The following CNTN6 variants were observed in gnomAD, a reference collection of about 807,000 sequenced individuals.
CNTN6 encodes contactin-6.
In CNTN6, 137 loss-of-function variants were observed where a neutral mutation model predicts 122.8. The ratio of observed to expected loss-of-function variants is 1.12; its 90% CI spans 0.97 to 1.29. CNTN6 has a LOEUF of 1.29. Ranked by LOEUF, CNTN6 falls within the 50% of genes most tolerant of loss-of-function variation. The pLI, the probability that CNTN6 is intolerant of heterozygous loss-of-function variation, is 0.00. For synonymous variants in CNTN6, 570 were observed against 426.0 expected (o/e 1.34, Z -4.16); for missense variants, 1,634 against 1,223.4 (o/e 1.34, Z -5.01).
At chr3:1,148,859 T>C (rs1020499183) in intron 2 of CNTN6, among the ~76,000 whole-genome samples, 2 of 152,186 alleles carry the variant, frequency 1.3e-5, no homozygotes, top group African/African-American at 4.8e-5. Context: ...CTGAGACAAC[T>C]GTGCTGCCAT....
chr3:1,328,639 G>C (rs192135448), intron 10 of CNTN6, among the ~76,000 whole-genome samples: 62 of 151,876 alleles, frequency 4.1e-4, no homozygotes, highest in Admixed American at 2.3e-3. Context: ...CACATGACAA[G>C]TTGAACATAA....
At chr3:1,203,919 G>A (rs1575224333) in intron 2 of CNTN6, among the ~76,000 whole-genome samples, 1 of 152,128 alleles carries the variant, frequency 6.6e-6, no homozygotes, top group Non-Finnish European at 1.5e-5. Context: ...TGTTACAGTT[G>A]TCTGCAGTAC....
At chr3:1,298,643 C>A (rs999402736) in intron 7 of CNTN6, among the ~76,000 whole-genome samples, 3 of 152,040 alleles carry the variant, frequency 2.0e-5, no homozygotes, top group Non-Finnish European at 4.4e-5. Flanking sequence ...CATTTTTGTG[C>A]CTATAAACAC....
intron 2 of CNTN6, among the ~76,000 whole-genome samples, chr3:1,211,082 G>C (rs555816407): frequency 9.9e-5 from 15 of 152,272 alleles, no homozygotes; most frequent in African/African-American, 3.6e-4. Flanking sequence ...TCACACTAAT[G>C]GAAAATCCTC....
At chr3:1,256,009 C>T (rs1299227897) in intron 4 of CNTN6, among the ~76,000 whole-genome samples, 2 of 152,082 alleles carry the variant, frequency 1.3e-5, no homozygotes, top group African/African-American at 2.4e-5. Context: ...GCTGGGAATA[C>T]AGGCGTGTGC....
At chr3:1,209,856 A>G (rs2094010159) in intron 2 of CNTN6, among the ~76,000 whole-genome samples, 1 of 152,120 alleles carries the variant, frequency 6.6e-6, no homozygotes, top group African/African-American at 2.4e-5. Context: ...TATCTGAGCA[A>G]TCTTTAATGT....
At chr3:1,209,179 A>G (rs1481865305) in intron 2 of CNTN6, among the ~76,000 whole-genome samples, 1 of 152,212 alleles carries the variant, frequency 6.6e-6, no homozygotes, top group Non-Finnish European at 1.5e-5. Context: ...CAAGGTCACC[A>G]TAGATGTCTG....
At chr3:1,176,940 A>G (rs535217519) in intron 2 of CNTN6, among the ~76,000 whole-genome samples, 3 of 152,320 alleles carry the variant, frequency 2.0e-5, no homozygotes, top group Admixed American at 2.0e-4. Context: ...ACTTTCTACT[A>G]CAACCAAGTG....
chr3:1,278,814 T>C (rs1159111954), intron 5 of CNTN6, among the ~76,000 whole-genome samples: 1 of 152,174 alleles, frequency 6.6e-6, no homozygotes, highest in African/African-American at 2.4e-5. Flanking sequence ...CAGGCAAACT[T>C]CATGACAAGG....
intron 4 of CNTN6, among the ~76,000 whole-genome samples, chr3:1,262,580 C>A (rs919845959): frequency 1.3e-5 from 2 of 152,014 alleles, no homozygotes; most frequent in African/African-American, 4.8e-5. Context: ...AGAGACCTGG[C>A]GCAAACAATG....
At chr3:1,233,619 C>T (rs2094383156) in intron 4 of CNTN6, among the ~76,000 whole-genome samples, 1 of 150,518 alleles carries the variant, frequency 6.6e-6, no homozygotes, top group African/African-American at 2.4e-5. Context: ...CCTGTAATCC[C>T]AGCTACTCGG....
chr3:1,277,932 A>C (rs1407597329), intron 4 of CNTN6, among the ~76,000 whole-genome samples: 1 of 152,098 alleles, frequency 6.6e-6, no homozygotes, highest in Non-Finnish European at 1.5e-5. Flanking sequence ...GAAAATTGAA[A>C]ATACACTTTT....
intron 20 of CNTN6, 92 bp from the exon 21 acceptor site, chr3:1,401,341 C>T (rs1025856208): frequency 1.2e-5 from 12 of 977,740 alleles, no homozygotes; most frequent in Non-Finnish European, 1.6e-5. Context: ...TGCAAATCAT[C>T]GAAGACTTAT....
intron 5 of CNTN6, among the ~76,000 whole-genome samples, chr3:1,289,507 G>A (rs552337958): frequency 5.3e-4 from 80 of 152,206 alleles, no homozygotes; most frequent in Non-Finnish European, 1.1e-3. Context: ...CATCCCAGAC[G>A]TTTTATGAAT....
At chr3:1,276,639 T>C (rs1692418460) in intron 4 of CNTN6, among the ~76,000 whole-genome samples, 1 of 152,204 alleles carries the variant, frequency 6.6e-6, no homozygotes, top group Non-Finnish European at 1.5e-5. Context: ...TTTTTCATTC[T>C]GGAAGCAGTT....
intron 1 of CNTN6, among the ~76,000 whole-genome samples, chr3:1,104,148 A>C (rs942876950): frequency 6.6e-6 from 1 of 152,062 alleles, no homozygotes; most frequent in African/African-American, 2.4e-5. Context: ...GAATTCAATG[A>C]AGTATACAAC....
chr3:1,247,987 G>C (rs2094605643), intron 4 of CNTN6, among the ~76,000 whole-genome samples: 1 of 152,034 alleles, frequency 6.6e-6, no homozygotes, highest in Non-Finnish European at 1.5e-5. Context: ...ATAGAAAGGA[G>C]TTGCTAAATT....
At chr3:1,401,941 C>T (rs1695764696) in intron 21 of CNTN6, among the ~76,000 whole-genome samples, 7 of 152,122 alleles carry the variant, frequency 4.6e-5, no homozygotes, top group Admixed American at 4.6e-4. Flanking sequence ...AACAAGAGTA[C>T]AATCAAGTAC....
At chr3:1,263,830 T>G (rs542564208) in intron 4 of CNTN6, among the ~76,000 whole-genome samples, 1 of 151,758 alleles carries the variant, frequency 6.6e-6, no homozygotes, top group Non-Finnish European at 1.5e-5. Context: ...GACTGGGCCT[T>G]TGGGGAAAAA....
Sources: allele counts gnomAD v4.1 joint callset (sites outside exome capture counted in the v4.1 genomes callset), GRCh38; gene constraint gnomAD v4.1.1; transcripts MANE v1.5; gene names NCBI Gene and HGNC (gene_info 2026-07-23, HGNC 2026-07-21).